Variants in CDK14 observed in about 807,000 individuals in gnomAD.
CDK14 encodes cyclin dependent kinase 14.
A neutral mutation model predicts 60.7 loss-of-function variants in CDK14; 34 were observed. That is an observed-to-expected ratio of 0.56 (90% confidence interval 0.43 to 0.75). The LOEUF (loss-of-function observed/expected upper bound fraction) is 0.75, where lower values mean the gene tolerates loss of function less well. Ranked by LOEUF, CDK14 falls within the 30% of genes least tolerant of loss-of-function variation. The pLI, the probability that CDK14 is intolerant of heterozygous loss-of-function variation, is 0.00. For synonymous variants in CDK14, 197 were observed against 203.7 expected (o/e 0.97, Z 0.28); for missense variants, 482 against 564.1 (o/e 0.85, Z 1.47).
At chr7:90,712,252 A>C (rs550169537) in intron 2 of CDK14, among the ~76,000 whole-genome samples, 1 of 151,882 alleles carries the variant, frequency 6.6e-6, no homozygotes, top group Non-Finnish European at 1.5e-5. Context: ...GAACTTTTTC[A>C]TCAACCCAAA....
intron 5 of CDK14, among the ~76,000 whole-genome samples, chr7:90,842,458 A>G (rs1790331747): frequency 1.3e-5 from 2 of 152,182 alleles, no homozygotes; most frequent in South Asian, 4.1e-4. Flanking sequence ...AGCCTAGGAA[A>G]ATAAAGGCAG....
intron 3 of CDK14, among the ~76,000 whole-genome samples, chr7:90,729,182 G>A (rs187797476): frequency 0.015 from 2,327 of 151,828 alleles, 19 homozygotes; most frequent in Middle Eastern, 0.031. Flanking sequence ...GGCCGAGGGA[G>A]ACTGGGGCAA....
At chr7:91,137,609 G>A (rs1466863827) in intron 14 of CDK14, among the ~76,000 whole-genome samples, 1 of 151,940 alleles carries the variant, frequency 6.6e-6, no homozygotes, top group Non-Finnish European at 1.5e-5. Flanking sequence ...TTAACTACAT[G>A]CACTGTGCAC....
intron 2 of CDK14, among the ~76,000 whole-genome samples, chr7:90,678,272 A>G (rs779339556): frequency 1.3e-5 from 2 of 152,140 alleles, no homozygotes; most frequent in East Asian, 1.9e-4. Context: ...AGGAGGAGAG[A>G]GTGGAAGTGC....
chr7:90,740,523 G>A, intron 3 of CDK14, among the ~76,000 whole-genome samples: 1 of 151,928 alleles, frequency 6.6e-6, no homozygotes, highest in African/African-American at 2.4e-5. Context: ...CAACCAGAGG[G>A]AAGGCCATGT....
At chr7:90,967,476 G>A (rs1190454394) in intron 9 of CDK14, among the ~76,000 whole-genome samples, 1 of 152,058 alleles carries the variant, frequency 6.6e-6, no homozygotes, top group African/African-American at 2.4e-5. Context: ...CTGATGAGTG[G>A]GAGCTGATTA....
At chr7:90,845,834 G>T (rs1361608173) in intron 5 of CDK14, among the ~76,000 whole-genome samples, 1 of 151,874 alleles carries the variant, frequency 6.6e-6, no homozygotes, top group Non-Finnish European at 1.5e-5. Flanking sequence ...ACTAAGTTAG[G>T]GTGGCAGTTT....
At chr7:91,014,784 G>A (rs1377215414) in intron 10 of CDK14, among the ~76,000 whole-genome samples, 5 of 152,114 alleles carry the variant, frequency 3.3e-5, no homozygotes, top group African/African-American at 9.7e-5. Flanking sequence ...TATGGTGCAC[G>A]CCCCAGCATG....
chr7:91,192,458 C>T (rs1195381511), intron 14 of CDK14, among the ~76,000 whole-genome samples: 1 of 152,122 alleles, frequency 6.6e-6, no homozygotes, highest in Non-Finnish European at 1.5e-5. Context: ...TGAAATGTTG[C>T]TGTAAGGCCC....
At chr7:91,078,770 AT>A (rs749120568) in intron 11 of CDK14, among the ~76,000 whole-genome samples, 6 of 152,236 alleles carry the variant, frequency 3.9e-5, no homozygotes, top group African/African-American at 4.8e-5. Context: ...AAACAAAAAA[AT>A]ATGTGAAAAG....
At chr7:90,815,928 G>T (rs1038565091) in intron 5 of CDK14, among the ~76,000 whole-genome samples, 1 of 150,354 alleles carries the variant, frequency 6.7e-6, no homozygotes, top group African/African-American at 2.4e-5. Flanking sequence ...GGGATGGGGG[G>T]TAAGGGGAGG....
rs575389383 is a variant in CDK14 at position 90,983,450 on chromosome 7, C to T, written c.948-698C>T. On this transcript the variant is annotated intron_variant, in intron 9 of 14. Transcript: ENST00000380050. ...GTCCCAGCACTTTGGGAGGCCGAGACGGGCGGATCACAAGGTCAGGAGATC... is the reference window on the plus strand; with the variant it reads ...GTCCCAGCACTTTGGGAGGCCGAGATGGGCGGATCACAAGGTCAGGAGATC... Among the ~76,000 whole-genome samples, 223 of 152,192 alleles carry T rather than the reference C, an allele frequency of 1.5e-3. 1 individual carries two copies. Among genetic ancestry groups the T allele is most frequent in the Non-Finnish European group, 2.3e-3 (153 of 67,996 alleles).
intron 2 of CDK14, among the ~76,000 whole-genome samples, chr7:90,635,404 T>G (rs1430920606): frequency 1.3e-5 from 2 of 152,212 alleles, no homozygotes; most frequent in African/African-American, 4.8e-5. Flanking sequence ...CTTTCCCCAT[T>G]GCTTGTTTTT....
At chr7:90,794,259 G>A (rs1032747734) in intron 5 of CDK14, among the ~76,000 whole-genome samples, 3 of 152,126 alleles carry the variant, frequency 2.0e-5, no homozygotes, top group African/African-American at 7.2e-5. Context: ...CAGGACCGGG[G>A]CGAAATTAAA....
intron 10 of CDK14, among the ~76,000 whole-genome samples, chr7:91,032,649 G>A (rs78908243): frequency 0.026 from 3,978 of 152,228 alleles, 93 homozygotes; most frequent in African/African-American, 0.062. Context: ...AGAAGCTGGA[G>A]GAGGCAAGAA....
chr7:91,173,430 A>T (rs1484096777), intron 14 of CDK14, among the ~76,000 whole-genome samples: 3 of 66,044 alleles, frequency 4.5e-5, no homozygotes, highest in Admixed American at 4.1e-4. Flanking sequence ...TGCATCTCTT[A>T]AAAAAAAAAA....
intron 11 of CDK14, among the ~76,000 whole-genome samples, chr7:91,059,522 A>G (rs79313156): frequency 0.23 from 35,029 of 149,962 alleles, 4,552 homozygotes; most frequent in African/African-American, 0.39. Flanking sequence ...GATCTTTCCT[A>G]CTTTCTCTTG....
chr7:90,908,406 C>G (rs983240898), intron 7 of CDK14, among the ~76,000 whole-genome samples: 1 of 152,094 alleles, frequency 6.6e-6, no homozygotes, highest in Admixed American at 6.6e-5. Flanking sequence ...CCTAGAGATC[C>G]GTTAAAACCC....
At chr7:90,740,196 T>TA (rs1803283972) in intron 3 of CDK14, among the ~76,000 whole-genome samples, 1 of 151,824 alleles carries the variant, frequency 6.6e-6, no homozygotes, top group South Asian at 2.1e-4. Flanking sequence ...TATTAATTTT[T>TA]GAAATATCTT....
Sources: gnomAD v4.1 joint callset for allele counts (sites outside exome capture counted in the v4.1 genomes callset) on GRCh38, gnomAD v4.1.1 for gene constraint, MANE v1.5 for transcripts, NCBI Gene and HGNC (gene_info 2026-07-23, HGNC 2026-07-21) for gene names.